Variants in WFDC10B observed in about 807,000 individuals in gnomAD.
WFDC10B encodes protein WFDC10B.
A neutral mutation model predicts 2.7 loss-of-function variants in WFDC10B; 1 was observed. That is an observed-to-expected ratio of 0.38 (90% CI 0.13 to 1.79). The LOEUF (loss-of-function observed/expected upper bound fraction) is 1.79, where lower values mean the gene tolerates loss of function less well. Among genes scored for constraint, WFDC10B ranks in the 40% most tolerant of loss-of-function variants. WFDC10B has a pLI of 0.33. For missense variants in WFDC10B, 71 were observed against 87.8 expected, an observed-to-expected ratio of 0.81 and a Z score of 0.76; for synonymous variants, 26 against 32.2, an observed-to-expected ratio of 0.81 and a Z score of 0.65.
At chr20:45,688,757 A>G (rs547453187) in intron 2 of WFDC10B, among the ~76,000 whole-genome samples, 2 of 152,202 alleles carry the variant, frequency 1.3e-5, no homozygotes, top group African/African-American at 4.8e-5. Context: ...TTGTCAGATG[A>G]GTAGGTTGCG....
Position 45,704,942 on chromosome 20 carries a change from A to G in WFDC10B, c.-154T>C, listed in dbSNP as rs1240058137. Reference sequence around the variant, plus strand: ...CCTGCAGGTGTAACCAAAATCCCAAAGCAAAATTTGTCCTACACTTTTGCT... The same window carrying G: ...CCTGCAGGTGTAACCAAAATCCCAAGGCAAAATTTGTCCTACACTTTTGCT... On this transcript the variant is annotated 5_prime_UTR_variant, in exon 1 of 4. Coordinates refer to ENST00000330523, the MANE Select transcript of WFDC10B (RefSeq NM_172006.2). 1 of 1,613,970 alleles carries G rather than the reference A, an allele frequency of 6.2e-7. No individual in the cohort carries two copies. Among genetic ancestry groups the G allele is most frequent in the East Asian group, 2.2e-5 (1 of 44,880 alleles).
At chr20:45,700,683 G>C (rs1984126454) in intron 2 of WFDC10B, among the ~76,000 whole-genome samples, 1 of 152,154 alleles carries the variant, frequency 6.6e-6, no homozygotes, top group Non-Finnish European at 1.5e-5. Flanking sequence ...TTCTAAACCT[G>C]ATAGAGGGTA....
intron 2 of WFDC10B, among the ~76,000 whole-genome samples, chr20:45,696,001 G>A (rs1983964130): frequency 6.6e-6 from 1 of 151,402 alleles, no homozygotes; most frequent in Admixed American, 6.6e-5. Context: ...TTAAAAAAGA[G>A]CACGGCCAGG....
In WFDC10B at chr20:45,702,197, A is replaced by G. The variant is rs1984189629; in HGVS notation, c.-65+2300T>C. On this transcript the variant is annotated intron_variant, in intron 2 of 3. Transcript: ENST00000330523. ...CTGCAGCTGGTGCCTGGGAGTCCCA[A>G]GCAGCGTGTTCTGAGTAGGTGCTGG... The G allele has an allele frequency of 3.1e-6, 5 of 1,612,558 alleles. No individual in the cohort carries two copies. The East Asian group carries it at 8.9e-5, about 29-fold the overall frequency.
At chr20:45,696,334 A>G (rs6032440) in intron 2 of WFDC10B, among the ~76,000 whole-genome samples, 8,474 of 151,420 alleles carry the variant, frequency 0.056, 452 homozygotes, top group East Asian at 0.22. Context: ...CTAACTTTAC[A>G]TCATACGAAA....
intron 2 of WFDC10B, among the ~76,000 whole-genome samples, chr20:45,696,823 A>C (rs1983993240): frequency 6.6e-6 from 1 of 152,202 alleles, no homozygotes; most frequent in African/African-American, 2.4e-5. Flanking sequence ...CTTCACTGAT[A>C]AAATCTATAC....
intron 2 of WFDC10B, among the ~76,000 whole-genome samples, chr20:45,692,482 G>A (rs371135343): frequency 3.9e-5 from 6 of 152,148 alleles, no homozygotes; most frequent in African/African-American, 1.2e-4. Flanking sequence ...CCAATCAGAC[G>A]TAGATTTGGT....
At chr20:45,697,379 AT>A (rs869059383) in intron 2 of WFDC10B, among the ~76,000 whole-genome samples, 5,903 of 113,820 alleles carry the variant, frequency 0.052, 98 homozygotes, top group African/African-American at 0.099. Flanking sequence ...ACATCCCATC[AT>A]TTTTTTTTTT....
chr20:45,696,635 A>G (rs935298760), intron 2 of WFDC10B, among the ~76,000 whole-genome samples: 8 of 152,200 alleles, frequency 5.3e-5, no homozygotes, highest in African/African-American at 1.9e-4. Flanking sequence ...TTACACCAAC[A>G]AATTAGATAA....
chr20:45,702,001 C>T (rs1325426052), intron 2 of WFDC10B: 10 of 834,936 alleles, frequency 1.2e-5, no homozygotes, highest in African/African-American at 3.4e-5. Flanking sequence ...TTGGAGTACA[C>T]GGTGAAAGGC....
At chr20:45,685,874 A>G (rs774199759) in intron 3 of WFDC10B, 28 bp downstream of exon 3, 4 of 1,612,098 alleles carry the variant, frequency 2.5e-6, no homozygotes, top group Admixed American at 1.7e-5. Flanking sequence ...CCAACTCTCC[A>G]TCACCCATCC....
intron 2 of WFDC10B, among the ~76,000 whole-genome samples, chr20:45,695,189 C>T (rs1983940683): frequency 6.6e-6 from 1 of 152,178 alleles, no homozygotes; most frequent in African/African-American, 2.4e-5. Context: ...AGACTTGCAA[C>T]TGGCACCTGA....
intron 2 of WFDC10B, among the ~76,000 whole-genome samples, chr20:45,693,967 C>T (rs1202938922): frequency 6.6e-6 from 1 of 152,142 alleles, no homozygotes; most frequent in African/African-American, 2.4e-5. Context: ...ATTCAGCCAT[C>T]TTGGCTCCTC....
chr20:45,694,340 T>A (rs1370999843), intron 2 of WFDC10B, among the ~76,000 whole-genome samples: 1 of 152,052 alleles, frequency 6.6e-6, no homozygotes, highest in East Asian at 1.9e-4. Context: ...AGTTTCAATT[T>A]TCTGCATATG....
intron 2 of WFDC10B, among the ~76,000 whole-genome samples, chr20:45,691,554 G>A (rs1186549788): frequency 6.6e-6 from 1 of 151,140 alleles, no homozygotes; most frequent in East Asian, 1.9e-4. Context: ...AGGATAGTTA[G>A]CTCTTCTTGT....
intron 2 of WFDC10B, chr20:45,702,087 C>T (rs756967594): frequency 8.1e-6 from 13 of 1,597,228 alleles, no homozygotes; most frequent in Non-Finnish European, 3.4e-6. Flanking sequence ...ACCCAGCAAC[C>T]CTTGGCCAGA....
At chr20:45,690,212 C>G (rs1234613287) in intron 2 of WFDC10B, among the ~76,000 whole-genome samples, 1 of 149,666 alleles carries the variant, frequency 6.7e-6, no homozygotes, top group Admixed American at 6.7e-5. Context: ...GGTGGATAAG[C>G]TTTTTGATGT....
chr20:45,703,703 G>A (rs112782141), intron 2 of WFDC10B, among the ~76,000 whole-genome samples: 2,271 of 152,248 alleles, frequency 0.015, 60 homozygotes, highest in African/African-American at 0.052. Context: ...GCTTTGAACT[G>A]AAATACTTGG....
intron 2 of WFDC10B, among the ~76,000 whole-genome samples, chr20:45,688,095 A>G (rs1010119917): frequency 1.4e-5 from 2 of 138,440 alleles, no homozygotes; most frequent in Non-Finnish European, 3.0e-5. Context: ...TCATTGTTCA[A>G]TTCCCACCTA....
Sources: gnomAD v4.1 joint callset for allele counts (sites outside exome capture counted in the v4.1 genomes callset) on GRCh38, gnomAD v4.1.1 for gene constraint, MANE v1.5 for transcripts, NCBI Gene and HGNC (gene_info 2026-07-23, HGNC 2026-07-21) for gene names.